The following SEC24A variants were observed in gnomAD, a reference collection of about 807,000 sequenced individuals.
SEC24A encodes the protein SEC24 homolog A, COPII component.
In SEC24A, 93 loss-of-function variants were observed where a neutral mutation model predicts 129.4. That is an observed-to-expected ratio of 0.72 (90% confidence interval 0.61 to 0.85). The LOEUF is 0.85. Ranked by LOEUF, SEC24A falls within the 40% of genes least tolerant of loss-of-function variation. SEC24A has a pLI of 0.00. For synonymous variants in SEC24A, 460 were observed against 467.3 expected, an observed-to-expected ratio of 0.98 and a Z score of 0.20; for missense variants, 1,264 against 1,307.4, an observed-to-expected ratio of 0.97 and a Z score of 0.51.
Position 134,656,680 on chromosome 5 carries a change from G to A in SEC24A, c.98-4439G>A, listed in dbSNP as rs187029260. Reference sequence around the variant, plus strand: ...ATTTTAGTAGAGACGGGGTTTCACCGTGTTGGTCAGGCTGGTCTCGAACTT... The same window carrying A: ...ATTTTAGTAGAGACGGGGTTTCACCATGTTGGTCAGGCTGGTCTCGAACTT... On this transcript the variant is annotated intron_variant, in intron 1 of 22. Coordinates refer to ENST00000398844, the MANE Select transcript of SEC24A (RefSeq NM_021982.3). Among the ~76,000 whole-genome samples, 580 of 151,234 alleles carry A rather than the reference G, an allele frequency of 3.8e-3. 6 individuals are homozygous for A. The highest frequency in any genetic ancestry group is 0.014 in the African/African-American group (557 of 41,194).
chr5:134,714,046 A>G (rs1448522120), intron 18 of SEC24A, among the ~76,000 whole-genome samples: 1 of 151,754 alleles, frequency 6.6e-6, no homozygotes, highest in Non-Finnish European at 1.5e-5. Flanking sequence ...CGTCACAAAA[A>G]AAAAACCTTA....
chr5:134,692,001 C>G (rs1751672388), intron 11 of SEC24A, among the ~76,000 whole-genome samples: 1 of 148,286 alleles, frequency 6.7e-6, no homozygotes, highest in Non-Finnish European at 1.5e-5. Context: ...GCCTAAGAAG[C>G]ATAGCACTTA....
intron 3 of SEC24A, among the ~76,000 whole-genome samples, chr5:134,669,172 T>A (rs1021978972): frequency 1.6e-4 from 23 of 147,532 alleles, no homozygotes; most frequent in Middle Eastern, 3.2e-3. Flanking sequence ...GAAAAAAAAA[T>A]TTTTTTTTTT....
rs1304594419 is a variant in SEC24A at position 134,725,387 on chromosome 5, A to G, written c.*293A>G. 4.7e-6 allele frequency: 1 copy of G among 210,598 alleles called. No homozygotes were observed. Among genetic ancestry groups the G allele is most frequent in the Non-Finnish European group, 9.4e-6 (1 of 106,862 alleles). 13.0% of individuals were successfully genotyped at this position (210,598 alleles called of 1,614,324 possible). ...ATTAAAATAAGAATATTGCAGAGGC[A>G]AAGTACATTTTGTAAAATAAAGATT... On this transcript the variant is annotated 3_prime_UTR_variant, in exon 23 of 23. Transcript: ENST00000398844.
At chr5:134,651,469 AT>A (rs1225599118) in intron 1 of SEC24A, among the ~76,000 whole-genome samples, 1 of 150,570 alleles carries the variant, frequency 6.6e-6, no homozygotes, top group African/African-American at 2.4e-5. Context: ...TAATTTTTGT[AT>A]TTTTAGTAGA....
In SEC24A at chr5:134,675,236, C is replaced by T. The variant is rs1428715490; in HGVS notation, c.1151+19C>T. ...ACCCAGAGTAAGGCTTCAGATGTGA[C>T]ATTATGCATGTCCGAAAAGTTTTCT... is the stretch of plus-strand genomic sequence containing the variant. On this transcript the variant is annotated intron_variant, in intron 6 of 22. Transcript: ENST00000398844. 4 of 1,584,626 alleles carry T rather than the reference C, an allele frequency of 2.5e-6. No individual in the cohort carries two copies. The Admixed American group carries it at 6.9e-5, about 27-fold the overall frequency.
At chr5:134,717,984 C>T in intron 19 of SEC24A, 85 bp from the exon 20 acceptor site, 1 of 907,210 alleles carries the variant, frequency 1.1e-6, no homozygotes, top group East Asian at 2.4e-5. Context: ...GTAGAGGTAA[C>T]ATTCATTTAA....
intron 13 of SEC24A, among the ~76,000 whole-genome samples, chr5:134,694,904 A>G (rs1751772804): frequency 6.6e-6 from 1 of 152,086 alleles, no homozygotes; most frequent in Non-Finnish European, 1.5e-5. Context: ...TTGTGTGCAT[A>G]AACTTTAAGG....
Position 134,688,259 on chromosome 5 carries a change from T to C in SEC24A, c.1683T>C (p.Ser561=), listed in dbSNP as rs1269734091. Residue 561 remains serine, a synonymous_variant, in exon 11 of 23, where the codon AGT becomes AGC. Transcript: ENST00000398844. The part of the protein sequence containing the change: ...STIHFYGLQE[S]LSQPQMLIVS... ...TCCATTTCTACGGTCTTCAGGAAAG[T>C]CTCTCTCAACCTCAGATGCTAATAG... 1 of 1,608,848 alleles carries C rather than the reference T, an allele frequency of 6.2e-7. No individual in the cohort carries two copies. The highest frequency in any genetic ancestry group is 8.5e-7 in the Non-Finnish European group (1 of 1,175,448).
intron 1 of SEC24A, among the ~76,000 whole-genome samples, chr5:134,649,974 C>T (rs1010785936): frequency 2.0e-5 from 3 of 152,158 alleles, no homozygotes; most frequent in African/African-American, 7.2e-5. Context: ...AATTTACTTA[C>T]AAATCTTTGG....
Position 134,725,263 on chromosome 5 carries a change from T to C in SEC24A, c.*169T>C, listed in dbSNP as rs1407560680. ...GCAAATAAAAGACCACAGCAGAGAA[T>C]CAAACATGCAACTCTGAAATACTGT... is the stretch of plus-strand genomic sequence containing the variant. On this transcript the variant is annotated 3_prime_UTR_variant, in exon 23 of 23. Transcript: ENST00000398844. 2 of 515,000 alleles carry C rather than the reference T, an allele frequency of 3.9e-6. No homozygotes were observed. The highest frequency in any genetic ancestry group is 3.1e-5 in the South Asian group (1 of 32,522). The allele number at this position is 515,000 out of a possible 1,614,324, so 31.9% of individuals were successfully genotyped here. A position where few individuals can be genotyped will look rare whatever the true frequency, so the allele number is the denominator to read the frequency against.
chr5:134,696,835 C>A (rs900144021), intron 13 of SEC24A, among the ~76,000 whole-genome samples: 3 of 151,516 alleles, frequency 2.0e-5, no homozygotes, highest in African/African-American at 4.9e-5. Flanking sequence ...GTCATGTTGC[C>A]CAGGATGGTC....
intron 16 of SEC24A, among the ~76,000 whole-genome samples, chr5:134,704,326 C>T (rs1752090373): frequency 6.6e-6 from 1 of 152,160 alleles, no homozygotes; most frequent in South Asian, 2.1e-4. Flanking sequence ...CCTCTGCCTC[C>T]CAACGTGCTG....
chr5:134,723,753 GAAGA>G lies in SEC24A; in HGVS notation c.3167+90_3167+93del, dbSNP rs1752686149. 4 of 755,936 alleles carry G rather than the reference GAAGA, an allele frequency of 5.3e-6. No individual in the cohort carries two copies. In the East Asian group the frequency reaches 7.7e-5, roughly 15 times the overall value. 46.8% of individuals were successfully genotyped at this position (755,936 alleles called of 1,614,324 possible). ...CTGACAAGAGTATAGCAAAAAAAAAGAAGAAAGAAAAAGAGTTCTTCTCAATAAA... is the reference window on the plus strand; with the variant it reads ...CTGACAAGAGTATAGCAAAAAAAAAGAAGAAAAAGAGTTCTTCTCAATAAA... On this transcript the variant is annotated intron_variant, in intron 22 of 22. Coordinates refer to ENST00000398844, the MANE Select transcript of SEC24A (RefSeq NM_021982.3).
chr5:134,666,600 AAAGG>A lies in SEC24A; in HGVS notation c.566-214_566-211del, dbSNP rs559950986. ...GAAAAGAAAGAAAGAAAGAAAGAAA[AAAGG>A]AAGGAAGGGAGGGAGGGAGAGAAGG... On this transcript the variant is annotated intron_variant, in intron 2 of 22. Transcript: ENST00000398844. 2.2e-3 allele frequency among the ~76,000 whole-genome samples: 335 copies of A among 151,906 alleles called. 1 individual carries two copies. Among genetic ancestry groups the A allele is most frequent in the South Asian group, 4.0e-3 (19 of 4,796 alleles).
chr5:134,714,854 C>G (rs1752432082), intron 18 of SEC24A, among the ~76,000 whole-genome samples, 170 bp from the exon 19 acceptor site: 1 of 152,104 alleles, frequency 6.6e-6, no homozygotes, highest in Non-Finnish European at 1.5e-5. Context: ...GGGGCTATAG[C>G]TACAGTTTAA....
At chr5:134,690,184 A>T (rs1751593224) in intron 11 of SEC24A, among the ~76,000 whole-genome samples, 2 of 152,096 alleles carry the variant, frequency 1.3e-5, no homozygotes, top group African/African-American at 4.8e-5. Flanking sequence ...ACGCCCAGCT[A>T]ATTTTTTGTA....
At chr5:134,669,365 C>T (rs985304143) in intron 3 of SEC24A, among the ~76,000 whole-genome samples, 1 of 151,366 alleles carries the variant, frequency 6.6e-6, no homozygotes, top group East Asian at 2.0e-4. Flanking sequence ...GGGGTTTCTC[C>T]ATGTTGGTCA....
At position 134,660,363 on chromosome 5, in the gene SEC24A, CTCAA is replaced by C. The variant is rs776820173; in HGVS notation, c.98-741_98-738del. Among the ~76,000 whole-genome samples, 6 of 152,110 alleles carry C rather than the reference CTCAA, an allele frequency of 3.9e-5. No homozygotes were observed. The East Asian group carries it at 7.7e-4, about 20-fold the overall frequency. ...CTTGGATGACAGAGTAAAGTGCTGT[CTCAA>C]TCAATCAATCAATCCATAAGTAAGT... On this transcript the variant is annotated intron_variant, in intron 1 of 22. Coordinates refer to ENST00000398844, the MANE Select transcript of SEC24A (RefSeq NM_021982.3).
Sources: allele counts gnomAD v4.1 joint callset (sites outside exome capture counted in the v4.1 genomes callset), GRCh38; gene constraint gnomAD v4.1.1; transcripts MANE v1.5; gene names NCBI Gene and HGNC (gene_info 2026-07-23, HGNC 2026-07-21).